LHFPL6: variants seen among roughly 807,000 people sequenced by gnomAD.
LHFPL6 encodes LHFPL tetraspan subfamily member 6, also known as LHFPL tetraspan subfamily member 6 protein.
Under a neutral mutation model 20.6 loss-of-function variants are expected in LHFPL6, and 9 were observed. The observed-to-expected ratio is 0.44, with a 90% CI of 0.26 to 0.76. The LOEUF is 0.76. Ranked by LOEUF, LHFPL6 falls within the 30% of genes least tolerant of loss-of-function variation. LHFPL6 has a pLI of 0.20. For missense variants in LHFPL6, 218 were observed against 253.5 expected (o/e 0.86, Z 0.95); for synonymous variants, 105 against 98.7 (o/e 1.06, Z -0.38).
intron 3 of LHFPL6, among the ~76,000 whole-genome samples, chr13:39,349,770 G>A (rs1270323234): frequency 6.6e-6 from 1 of 152,222 alleles, no homozygotes; most frequent in Non-Finnish European, 1.5e-5. Context: ...ACCTGCAGAT[G>A]TTCAGGAGTG....
intron 2 of LHFPL6, among the ~76,000 whole-genome samples, chr13:39,390,692 CTT>C (rs1308586847): frequency 6.6e-6 from 1 of 152,084 alleles, no homozygotes; most frequent in Non-Finnish European, 1.5e-5. Flanking sequence ...CAAATAAAAA[CTT>C]TTTAAAAATC....
intron 3 of LHFPL6, among the ~76,000 whole-genome samples, chr13:39,349,896 G>A (rs1443182062): frequency 6.6e-6 from 1 of 152,208 alleles, no homozygotes; most frequent in African/African-American, 2.4e-5. Flanking sequence ...TCAAGTAAGA[G>A]ATGGATCCCA....
intron 2 of LHFPL6, among the ~76,000 whole-genome samples, chr13:39,547,692 T>C (rs942872605): frequency 3.3e-5 from 5 of 152,086 alleles, no homozygotes; most frequent in African/African-American, 9.7e-5. Flanking sequence ...CAATTTTAAA[T>C]CATACACTTT....
intron 2 of LHFPL6, among the ~76,000 whole-genome samples, chr13:39,556,475 G>A (rs530871346): frequency 1.3e-5 from 2 of 152,306 alleles, no homozygotes; most frequent in Non-Finnish European, 2.9e-5. Context: ...TTACACCCTG[G>A]CGAAGAACTT....
At chr13:39,444,321 C>T (rs112437538) in intron 2 of LHFPL6, among the ~76,000 whole-genome samples, 13 of 152,218 alleles carry the variant, frequency 8.5e-5, no homozygotes, top group African/African-American at 2.9e-4. Flanking sequence ...ATCAGCCTGA[C>T]CATGTAAAGA....
chr13:39,413,044 T>C (rs767962600), intron 2 of LHFPL6, among the ~76,000 whole-genome samples: 2 of 152,154 alleles, frequency 1.3e-5, no homozygotes, highest in Non-Finnish European at 2.9e-5. Flanking sequence ...GATATCACAG[T>C]AGATTCAAAG....
At chr13:39,588,719 G>A (rs1248397491) in intron 2 of LHFPL6, among the ~76,000 whole-genome samples, 1 of 152,050 alleles carries the variant, frequency 6.6e-6, no homozygotes, top group Non-Finnish European at 1.5e-5. Flanking sequence ...TTCCCATGAG[G>A]TACAGAAGAA....
intron 2 of LHFPL6, among the ~76,000 whole-genome samples, chr13:39,432,691 T>A (rs931205919): frequency 3.9e-5 from 6 of 152,144 alleles, no homozygotes; most frequent in African/African-American, 1.4e-4. Context: ...GCTTTATGAT[T>A]TACTTAAAAA....
chr13:39,570,074 G>T (rs1871866031), intron 2 of LHFPL6, among the ~76,000 whole-genome samples: 1 of 152,058 alleles, frequency 6.6e-6, no homozygotes, highest in Non-Finnish European at 1.5e-5. Context: ...AAAGTCATAT[G>T]GGCAGGTTCT....
At chr13:39,529,807 T>C (rs765351083) in intron 2 of LHFPL6, among the ~76,000 whole-genome samples, 5 of 152,244 alleles carry the variant, frequency 3.3e-5, no homozygotes, top group Non-Finnish European at 7.3e-5. Flanking sequence ...AAAAAGGTTT[T>C]GGACTTGCAT....
chr13:39,565,148 TG>T (rs1374361123), intron 2 of LHFPL6, among the ~76,000 whole-genome samples: 1 of 152,106 alleles, frequency 6.6e-6, no homozygotes, highest in Non-Finnish European at 1.5e-5. Context: ...GAAATAAGCT[TG>T]CCATCTATAT....
chr13:39,495,607 T>C (rs1380655374), intron 2 of LHFPL6, among the ~76,000 whole-genome samples: 1 of 151,794 alleles, frequency 6.6e-6, no homozygotes, highest in East Asian at 1.9e-4. Context: ...ACTAGGCTTT[T>C]TTTTTTTTTG....
intron 2 of LHFPL6, among the ~76,000 whole-genome samples, chr13:39,490,919 T>C (rs948790775): frequency 2.0e-5 from 3 of 152,166 alleles, no homozygotes; most frequent in Non-Finnish European, 2.9e-5. Flanking sequence ...ATTTCAAGCA[T>C]GTGGGCAAAA....
chr13:39,602,406 G>A (rs977913153), intron 1 of LHFPL6, among the ~76,000 whole-genome samples: 1 of 152,056 alleles, frequency 6.6e-6, no homozygotes, highest in African/African-American at 2.4e-5. Flanking sequence ...TCACTCAAAC[G>A]GGAGGTCGGC....
chr13:39,353,162 T>C (rs1869637069), intron 3 of LHFPL6, among the ~76,000 whole-genome samples: 1 of 150,640 alleles, frequency 6.6e-6, no homozygotes, highest in South Asian at 2.1e-4. Context: ...TTTGTATTTT[T>C]AGTAGAGATG....
chr13:39,554,727 G>A (rs189690705), intron 2 of LHFPL6, among the ~76,000 whole-genome samples: 10 of 152,236 alleles, frequency 6.6e-5, no homozygotes, highest in African/African-American at 2.4e-4. Flanking sequence ...CAATAGGCGT[G>A]TGTCCCCCCA....
intron 2 of LHFPL6, among the ~76,000 whole-genome samples, chr13:39,525,277 G>A (rs958774408): frequency 2.0e-5 from 3 of 151,948 alleles, no homozygotes; most frequent in East Asian, 1.9e-4. Flanking sequence ...TGAGGTCTCC[G>A]CCTGAGAAAG....
rs73451050 is a variant in LHFPL6 at position 39,369,544 on chromosome 13, T to C, written c.484+8884A>G. On this transcript the variant is annotated intron_variant, in intron 3 of 3. Coordinates refer to ENST00000379589, the MANE Select transcript of LHFPL6 (RefSeq NM_005780.3). ...GAAACATGATGGCAGCTGCTGTTTC[T>C]GTGATCAAAAATTCATAGTAGGTTT... 4.1e-3 allele frequency among the ~76,000 whole-genome samples: 595 copies of C among 145,214 alleles called. 5 individuals are homozygous for C. Among genetic ancestry groups the C allele is most frequent in the African/African-American group, 0.015 (571 of 38,234 alleles).
At chr13:39,487,719 G>T (rs1360285261) in intron 2 of LHFPL6, among the ~76,000 whole-genome samples, 4 of 152,248 alleles carry the variant, frequency 2.6e-5, no homozygotes, top group Admixed American at 2.0e-4. Flanking sequence ...AAAGAAATAT[G>T]TTCTCTAGGC....
Sources: gnomAD v4.1 joint callset for allele counts (sites outside exome capture counted in the v4.1 genomes callset) on GRCh38, gnomAD v4.1.1 for gene constraint, MANE v1.5 for transcripts, NCBI Gene and HGNC (gene_info 2026-07-23, HGNC 2026-07-21) for gene names.